Variants in CACNA1A observed in about 807,000 individuals in gnomAD.
The protein encoded by CACNA1A is voltage-dependent P/Q-type calcium channel subunit alpha-1A.
CACNA1A carries 57 observed loss-of-function variants against 262.4 expected under a neutral mutation model. The ratio of observed to expected loss-of-function variants is 0.22; its 90% CI spans 0.18 to 0.27. The LOEUF (loss-of-function observed/expected upper bound fraction) is 0.27, where lower values mean the gene tolerates loss of function less well. CACNA1A is among the 10% of genes least tolerant of loss of function. CACNA1A has a pLI of 1.00. For synonymous variants in CACNA1A, 1,431 were observed against 1,419.3 expected (o/e 1.01, Z -0.18); for missense variants, 2,526 against 3,562.8 (o/e 0.71, Z 7.41).
chr19:13,216,872 G>A (rs1334804238), intron 38 of CACNA1A, among the ~76,000 whole-genome samples: 1 of 152,092 alleles, frequency 6.6e-6, no homozygotes, highest in Non-Finnish European at 1.5e-5. Flanking sequence ...ATGCTAATTG[G>A]TTCAGGCAGG....
At chr19:13,291,749 G>GTGAGCTA (rs1268975820) in intron 19 of CACNA1A, among the ~76,000 whole-genome samples, 1 of 151,764 alleles carries the variant, frequency 6.6e-6, no homozygotes, top group African/African-American at 2.4e-5. Flanking sequence ...TGAGGCTACA[G>GTGAGCTA]TGAGCTATGA....
chr19:13,252,066 T>C (rs575211359), intron 30 of CACNA1A, among the ~76,000 whole-genome samples: 1 of 151,842 alleles, frequency 6.6e-6, no homozygotes, highest in South Asian at 2.1e-4. Flanking sequence ...GTGCCTGACC[T>C]CTGTGTTTGT....
At chr19:13,413,350 C>G (rs1363039265) in intron 3 of CACNA1A, among the ~76,000 whole-genome samples, 1 of 151,256 alleles carries the variant, frequency 6.6e-6, no homozygotes, top group Non-Finnish European at 1.5e-5. Flanking sequence ...TCGTGATCCG[C>G]CCGCCTTGGC....
rs199963148 is a variant in CACNA1A at position 13,376,583 on chromosome 19, CAT to C, written c.540-4806_540-4805del. 8.2e-4 allele frequency among the ~76,000 whole-genome samples: 122 copies of C among 148,018 alleles called. No individual in the cohort carries two copies. The East Asian group carries it at 0.013, about 15-fold the overall frequency. On this transcript the variant is annotated intron_variant, in intron 3 of 46. Transcript: ENST00000360228. Reference sequence around the variant, plus strand: ...AACACATAATATATGTTATATATAACATATGAGATATATAACACATAATATAT... The same window carrying C: ...AACACATAATATATGTTATATATAACATGAGATATATAACACATAATATAT...
chr19:13,253,991 G>A (rs1478795452), intron 29 of CACNA1A, among the ~76,000 whole-genome samples: 3 of 152,140 alleles, frequency 2.0e-5, no homozygotes, highest in Middle Eastern at 3.4e-3. Context: ...CGCCTGCCTC[G>A]ACCTCCCAAA....
intron 1 of CACNA1A, among the ~76,000 whole-genome samples, chr19:13,504,234 T>G (rs925803161): frequency 1.3e-5 from 2 of 152,164 alleles, no homozygotes; most frequent in Non-Finnish European, 2.9e-5. Flanking sequence ...AGCACTTCAA[T>G]GGGCCTGGGA....
At position 13,334,561 on chromosome 19, in the gene CACNA1A, TTGTG is replaced by T. The variant is rs1196739807; in HGVS notation, c.1083-72_1083-69del. ...TGTTAGGAAACGTTTGTGTGTGTGT[TTGTG>T]TGTGTGTGTGTGTGTGTGTGTGTGT... On this transcript the variant is annotated intron_variant, in intron 7 of 46. Coordinates refer to ENST00000360228, the MANE Select transcript of CACNA1A (RefSeq NM_001127222.2). The T allele has an allele frequency of 1.8e-3, 546 of 311,918 alleles. 1 individual carries two copies. Among genetic ancestry groups the T allele is most frequent in the Middle Eastern group, 5.1e-3 (7 of 1,380 alleles). The allele number at this position is 311,918 out of a possible 1,614,324, so 19.3% of individuals were successfully genotyped here.
chr19:13,346,869 G>T (rs1401381702), intron 6 of CACNA1A, among the ~76,000 whole-genome samples: 1 of 148,520 alleles, frequency 6.7e-6, no homozygotes, highest in Non-Finnish European at 1.5e-5. Flanking sequence ...TAGTAGAGAC[G>T]GGGTTTCACC....
At chr19:13,447,000 G>A (rs1265118662) in intron 3 of CACNA1A, among the ~76,000 whole-genome samples, 6 of 152,068 alleles carry the variant, frequency 3.9e-5, no homozygotes, top group Non-Finnish European at 7.4e-5. Flanking sequence ...TGCCTCATTT[G>A]AAGGAGATAG....
At chr19:13,239,640 A>G (rs983287783) in intron 31 of CACNA1A, among the ~76,000 whole-genome samples, 2 of 152,146 alleles carry the variant, frequency 1.3e-5, no homozygotes, top group Non-Finnish European at 2.9e-5. Context: ...TAAGGGCCTC[A>G]TTGGTGGGTA....
chr19:13,451,945 G>C (rs1009364726), intron 3 of CACNA1A: 1 of 152,012 alleles, frequency 6.6e-6, no homozygotes, highest in African/African-American at 2.4e-5. Context: ...TCCAACTCCT[G>C]AGCTCAAGCA....
At position 13,241,517 on chromosome 19, in the gene CACNA1A, C is replaced by T; in HGVS notation, c.4950+3665G>A. ...TTTAGACTTCAGAAAGAAGTAAGAC[C>T]AACCGGATTCTAGATGCAGATGTTG... On this transcript the variant is annotated intron_variant, in intron 31 of 46. Transcript: ENST00000360228. This position sits in a 1 kb window ranked among gnomAD's most constrained non-coding sequence, Gnocchi z 4.0. 1 of 1,407,688 alleles carries T rather than the reference C, an allele frequency of 7.1e-7. No individual in the cohort carries two copies. Among genetic ancestry groups the T allele is most frequent in the Non-Finnish European group, 9.6e-7 (1 of 1,045,448 alleles). 87.2% of individuals were successfully genotyped at this position (1,407,688 alleles called of 1,614,324 possible). A position where few individuals can be genotyped will look rare whatever the true frequency, so the allele number is the denominator to read the frequency against.
At chr19:13,346,390 C>T (rs1397344103) in intron 6 of CACNA1A, among the ~76,000 whole-genome samples, 1 of 151,130 alleles carries the variant, frequency 6.6e-6, no homozygotes, top group African/African-American at 2.4e-5. Context: ...CTCCCTTCAT[C>T]TCCTTCATGT....
rs1385419684 is a variant in CACNA1A at position 13,300,542 on chromosome 19, G to A, written c.2279+8C>T. On this transcript the variant is annotated splice_region_variant and intron_variant, in intron 18 of 46. Transcript: ENST00000360228. ...CAGGGTAGCATCCCAGGGATTAGGGGCACTTACACAGCTATAGACATGTTG... is the reference window on the plus strand; with the variant it reads ...CAGGGTAGCATCCCAGGGATTAGGGACACTTACACAGCTATAGACATGTTG... 1.3e-6 allele frequency: 2 copies of A among 1,589,454 alleles called. No homozygotes were observed. Among genetic ancestry groups the A allele is most frequent in the South Asian group, 1.1e-5 (1 of 90,602 alleles).
intron 24 of CACNA1A, 185 bp from the exon 25 acceptor site, chr19:13,263,018 A>G (rs898345063): frequency 5.0e-6 from 3 of 594,352 alleles, no homozygotes; most frequent in Admixed American, 2.7e-5. Context: ...TGGGCTCGGG[A>G]GCCAGTAAGT....
chr19:13,336,673 T>A (rs929646883), intron 6 of CACNA1A, among the ~76,000 whole-genome samples: 1 of 147,580 alleles, frequency 6.8e-6, no homozygotes, highest in African/African-American at 2.5e-5. Flanking sequence ...TTACAGAGTA[T>A]TTATGGTGTG....
chr19:13,438,306 C>T (rs1244356183), intron 3 of CACNA1A, among the ~76,000 whole-genome samples: 1 of 152,242 alleles, frequency 6.6e-6, no homozygotes. Context: ...TTGCCCCATT[C>T]CTTGAATCTG....
chr19:13,228,611 TA>T, intron 36 of CACNA1A: 2 of 285,184 alleles, frequency 7.0e-6, no homozygotes, highest in Non-Finnish European at 1.3e-5. Flanking sequence ...GAGAGATATA[TA>T]TATATATATA....
At chr19:13,423,838 G>T (rs1048414859) in intron 3 of CACNA1A, among the ~76,000 whole-genome samples, 2 of 152,034 alleles carry the variant, frequency 1.3e-5, no homozygotes, top group Admixed American at 1.3e-4. Context: ...TAGAAAGTCC[G>T]CCTGAAGTTG....
Sources: allele counts gnomAD v4.1 joint callset (sites outside exome capture counted in the v4.1 genomes callset), GRCh38; gene constraint gnomAD v4.1.1; non-coding constraint Gnocchi (gnomAD v3.1); transcripts MANE v1.5; gene names NCBI Gene and HGNC (gene_info 2026-07-23, HGNC 2026-07-21).